RERE: variants seen among roughly 807,000 people sequenced by gnomAD.
The protein encoded by RERE is arginine-glutamic acid dipeptide repeats.
In RERE, 40 loss-of-function variants were observed where a neutral mutation model predicts 146.1. That is an observed-to-expected ratio of 0.27 (90% CI 0.21 to 0.36). The LOEUF is 0.36. Ranked by LOEUF, RERE falls within the 10% of genes least tolerant of loss-of-function variation. The pLI is 1.00. For synonymous variants in RERE, 1,003 were observed against 866.0 expected, an observed-to-expected ratio of 1.16 and a Z score of -2.78; for missense variants, 1,933 against 2,138.7, an observed-to-expected ratio of 0.90 and a Z score of 1.90.
intron 10 of RERE, among the ~76,000 whole-genome samples, chr1:8,480,459 GA>G (rs1398038189): frequency 1.7e-5 from 2 of 120,922 alleles, no homozygotes; most frequent in African/African-American, 6.4e-5. Context: ...TTTTTTAGAC[GA>G]AGGCTTGCTC....
chr1:8,774,224 CCTGT>C (rs1394988165), intron 1 of RERE, among the ~76,000 whole-genome samples: 1 of 152,026 alleles, frequency 6.6e-6, no homozygotes, highest in African/African-American at 2.4e-5. Flanking sequence ...CTCAACTGTA[CCTGT>C]CTTTCTTTGG....
intron 10 of RERE, among the ~76,000 whole-genome samples, chr1:8,486,755 TA>T (rs33956517): frequency 1.5e-3 from 178 of 122,316 alleles, no homozygotes; most frequent in African/African-American, 3.8e-3. Context: ...GAGTCCATCT[TA>T]AAAAAAAAAA....
At chr1:8,748,347 G>A (rs1474397671) in intron 1 of RERE, among the ~76,000 whole-genome samples, 2 of 152,172 alleles carry the variant, frequency 1.3e-5, no homozygotes, top group Admixed American at 6.5e-5. Context: ...CCCCACGCCA[G>A]ATGCCCTCTG....
chr1:8,370,278 T>G (rs1160220625), intron 12 of RERE, among the ~76,000 whole-genome samples: 1 of 151,846 alleles, frequency 6.6e-6, no homozygotes, highest in Non-Finnish European at 1.5e-5. Flanking sequence ...GGGTGCTGCG[T>G]GAGTCCTTCC....
At chr1:8,374,913 T>A (rs1642181472) in intron 12 of RERE, among the ~76,000 whole-genome samples, 1 of 152,146 alleles carries the variant, frequency 6.6e-6, no homozygotes, top group Non-Finnish European at 1.5e-5. Flanking sequence ...GTAGTCCTCC[T>A]CATCACTCAG....
At chr1:8,493,369 A>G (rs74050204) in intron 10 of RERE, among the ~76,000 whole-genome samples, 1 of 152,212 alleles carries the variant, frequency 6.6e-6, no homozygotes, top group Non-Finnish European at 1.5e-5. Context: ...AATCAGTGAC[A>G]ATGTACACAA....
At chr1:8,372,954 A>G (rs576083362) in intron 12 of RERE, among the ~76,000 whole-genome samples, 3 of 152,332 alleles carry the variant, frequency 2.0e-5, no homozygotes, top group Non-Finnish European at 2.9e-5. Flanking sequence ...GGGGATGAGG[A>G]GGCAGGCCTG....
chr1:8,383,816 G>A (rs956185693), intron 12 of RERE, among the ~76,000 whole-genome samples: 77 of 151,826 alleles, frequency 5.1e-4, no homozygotes, highest in Admixed American at 1.4e-3. Context: ...CTGAGATTGC[G>A]CCACTGCACT....
chr1:8,562,826 C>T (rs923905961), intron 4 of RERE, among the ~76,000 whole-genome samples: 2 of 151,946 alleles, frequency 1.3e-5, no homozygotes, highest in Admixed American at 6.6e-5. Context: ...GAACATATGT[C>T]GATTTAAGGA....
chr1:8,756,393 C>G (rs1239848364), intron 1 of RERE, among the ~76,000 whole-genome samples: 1 of 152,052 alleles, frequency 6.6e-6, no homozygotes, highest in African/African-American at 2.4e-5. Flanking sequence ...ATTATTAATT[C>G]TAGTGCTATA....
At chr1:8,389,986 A>G (rs1160796154) in intron 12 of RERE, among the ~76,000 whole-genome samples, 3 of 152,138 alleles carry the variant, frequency 2.0e-5, no homozygotes, top group African/African-American at 7.2e-5. Context: ...ACTAGACTGA[A>G]TTTCTCTGGC....
At chr1:8,376,121 C>T (rs1642239118) in intron 12 of RERE, among the ~76,000 whole-genome samples, 1 of 152,140 alleles carries the variant, frequency 6.6e-6, no homozygotes, top group South Asian at 2.1e-4. Context: ...TGCTCTAAAA[C>T]GTTTGACCAT....
intron 1 of RERE, among the ~76,000 whole-genome samples, chr1:8,763,257 A>C (rs950663746): frequency 1.3e-5 from 2 of 152,152 alleles, no homozygotes; most frequent in African/African-American, 4.8e-5. Context: ...AGACGTCCTT[A>C]AAAAAATAAG....
chr1:8,355,584 C>T lies in RERE; in HGVS notation c.4502G>A (p.Arg1501His), dbSNP rs1641257202. 1.3e-5 allele frequency: 20 copies of T among 1,582,010 alleles called. No individual in the cohort carries two copies. Among genetic ancestry groups the T allele is most frequent in the Non-Finnish European group, 1.6e-5 (18 of 1,160,996 alleles). Residue 1501 changes from arginine to histidine, a missense_variant, in exon 22 of 23, where the codon CGT becomes CAT. Transcript: ENST00000400908. ...GGGTGGGATGGCCCCAGGCAGGTCA[C>T]GGGGGTAGGGGGTGCCTGCCGAACA... Reference protein sequence around the residue: ...RHPVFGTPYPRDLPGAIPPPM... With the variant: ...RHPVFGTPYPHDLPGAIPPPM...
intron 12 of RERE, among the ~76,000 whole-genome samples, chr1:8,382,606 T>C (rs1035606640): frequency 2.0e-5 from 3 of 152,222 alleles, no homozygotes; most frequent in African/African-American, 4.8e-5. Flanking sequence ...GGTACCTTTC[T>C]AGATGCACAG....
intron 4 of RERE, among the ~76,000 whole-genome samples, chr1:8,567,285 G>A (rs2124444118): frequency 6.6e-6 from 1 of 152,304 alleles, no homozygotes; most frequent in East Asian, 1.9e-4. Context: ...CTGGGTCTGT[G>A]TGAAAGGATT....
At chr1:8,606,647 C>T (rs990059073) in intron 4 of RERE, among the ~76,000 whole-genome samples, 2 of 152,112 alleles carry the variant, frequency 1.3e-5, no homozygotes, top group Admixed American at 1.3e-4. Context: ...GAGTAACAAA[C>T]TTTTAATCAG....
At position 8,361,165 on chromosome 1, in the gene RERE, G is replaced by T; in HGVS notation, c.2342C>A (p.Ala781Asp). 1 of 1,453,430 alleles carries T rather than the reference G, an allele frequency of 6.9e-7. No individual in the cohort carries two copies. Among genetic ancestry groups the T allele is most frequent in the Non-Finnish European group, 9.0e-7 (1 of 1,108,772 alleles). 90.0% of individuals were successfully genotyped at this position (1,453,430 alleles called of 1,614,324 possible). Residue 781 changes from alanine to aspartate, a missense_variant, in exon 18 of 23, where the codon GCC (alanine) becomes GAC (aspartate). By Grantham distance (126) the Ala-to-Asp change is moderately radical. Transcript: ENST00000400908. Reference sequence around the variant, plus strand: ...CTGTGGCTGGTTAGGGGCCTGGGAGGCCGTGGGGGAGCCCTGTGGGGGAAC... The same window carrying T: ...CTGTGGCTGGTTAGGGGCCTGGGAGTCCGTGGGGGAGCCCTGTGGGGGAAC... ...TAVPPQGSPT[A>D]SQAPNQPQAP...
At chr1:8,640,823 C>T (rs6577511) in intron 2 of RERE, among the ~76,000 whole-genome samples, 2,342 of 152,178 alleles carry the variant, frequency 0.015, 61 homozygotes, top group African/African-American at 0.053. Flanking sequence ...ACTTACAATA[C>T]GCATTATAAA....
Sources: gnomAD v4.1 joint callset for allele counts (sites outside exome capture counted in the v4.1 genomes callset) on GRCh38, gnomAD v4.1.1 for gene constraint, MANE v1.5 for transcripts, NCBI Gene and HGNC (gene_info 2026-07-23, HGNC 2026-07-21) for gene names.